Variants in UACA observed in about 807,000 individuals in gnomAD.
UACA encodes the protein uveal autoantigen with coiled-coil domains and ankyrin repeats, also known as nuclear membrane binding protein.
Under a neutral mutation model 160.5 loss-of-function variants are expected in UACA, and 112 were observed. That is an observed-to-expected ratio of 0.70 (90% confidence interval 0.60 to 0.82). The LOEUF (loss-of-function observed/expected upper bound fraction) is 0.82, where lower values mean the gene tolerates loss of function less well. Among genes scored for constraint, UACA ranks in the 40% least tolerant of loss-of-function variants. The pLI is 0.00. For missense variants in UACA, 1,574 were observed against 1,614.6 expected, an observed-to-expected ratio of 0.97 and a Z score of 0.43; for synonymous variants, 557 against 568.4, an observed-to-expected ratio of 0.98 and a Z score of 0.29.
chr15:70,751,313 G>C (rs1445956189), intron 1 of UACA, among the ~76,000 whole-genome samples: 2 of 152,218 alleles, frequency 1.3e-5, no homozygotes, highest in South Asian at 4.1e-4. Flanking sequence ...ATCTCCCTCA[G>C]GAAAAGGGCT....
At chr15:70,695,241 C>T (rs1898088698) in intron 2 of UACA, 136 bp from the exon 3 acceptor site, 3 of 513,868 alleles carry the variant, frequency 5.8e-6, no homozygotes, top group Non-Finnish European at 1.0e-5. Flanking sequence ...CATTAGAACA[C>T]CTACATATTT....
chr15:70,660,879 G>T (rs1252731794), intron 17 of UACA: 1 of 151,996 alleles, frequency 6.6e-6, no homozygotes, highest in African/African-American at 2.4e-5. Context: ...TTATTATGTT[G>T]TTATTAATCT....
chr15:70,720,168 C>A (rs569832761), intron 1 of UACA, among the ~76,000 whole-genome samples: 2 of 152,290 alleles, frequency 1.3e-5, no homozygotes, highest in African/African-American at 4.8e-5. Context: ...GCTTCCCCTT[C>A]ACCTTCTGCC....
In UACA at chr15:70,682,814, G is replaced by A. The variant is rs749555356; in HGVS notation, c.785-19C>T. 7.7e-6 allele frequency: 12 copies of A among 1,551,414 alleles called. No individual in the cohort carries two copies. Among genetic ancestry groups the A allele is most frequent in the Non-Finnish European group, 1.0e-5 (12 of 1,151,146 alleles). Reference sequence around the variant, plus strand: ...TCTCTCCCTAAGATTTAGAGAAAAAGAGAAACAACAAAATGGCAGGTTAAC... The same window carrying A: ...TCTCTCCCTAAGATTTAGAGAAAAAAAGAAACAACAAAATGGCAGGTTAAC... On this transcript the variant is annotated intron_variant, in intron 8 of 18. Transcript: ENST00000322954.
rs1413585528 is a variant in UACA, at chr15:70,667,014, C to T, written c.3670G>A (p.Val1224Ile). 5 of 1,613,372 alleles carry T rather than the reference C, an allele frequency of 3.1e-6. No homozygotes were observed. Among genetic ancestry groups the T allele is most frequent in the South Asian group, 2.2e-5 (2 of 90,964 alleles). Residue 1224 changes from valine (V) to isoleucine (I), a missense_variant, in exon 16 of 19, where the codon GTT (valine) becomes ATT (isoleucine). Val to Ile is a conservative substitution (Grantham distance 29). Coordinates refer to ENST00000322954, the MANE Select transcript of UACA (RefSeq NM_018003.4). ...GTTGCTTTATATTTAGACAAGTCAA[C>T]TACCTCTCTAGTCTCTAATTTTTTT... ...ALKKLETREV[V>I]DLSKYKATKS...
intron 1 of UACA, 120 bp downstream of exon 1, chr15:70,763,210 G>A (rs1235679264): frequency 1.9e-5 from 21 of 1,128,408 alleles, no homozygotes; most frequent in Non-Finnish European, 2.3e-5. Flanking sequence ...AGTCGCCAGG[G>A]CCGCCGAAGC....
At chr15:70,758,264 A>G (rs1404942756) in intron 1 of UACA, 1 of 152,352 alleles carries the variant, frequency 6.6e-6, no homozygotes, top group East Asian at 1.9e-4. Context: ...GTTGAAATCA[A>G]AAACTATAAA....
chr15:70,717,618 A>C (rs567187888), intron 1 of UACA, among the ~76,000 whole-genome samples: 3 of 152,318 alleles, frequency 2.0e-5, no homozygotes, highest in Admixed American at 1.3e-4. Context: ...GGCTCTGATC[A>C]AGCTAATCTG....
chr15:70,656,743 C>T lies in UACA; in HGVS notation c.*313G>A, dbSNP rs1421809840. On this transcript the variant is annotated 3_prime_UTR_variant, in exon 19 of 19. Transcript: ENST00000322954. ...TTAAGCAATTATTTCAGCCTAACCT[C>T]GCTTCATATGGACTCACTCAGATGG... The T allele has an allele frequency of 1.9e-5, 4 of 214,332 alleles. No homozygotes were observed. Among genetic ancestry groups the T allele is most frequent in the Admixed American group, 5.3e-5 (1 of 18,904 alleles). The allele number at this position is 214,332 out of a possible 1,614,324, so 13.3% of individuals were successfully genotyped here.
At position 70,667,347 on chromosome 15, in the gene UACA, GA is replaced by G; in HGVS notation, c.3336del (p.Pro1113HisfsTer8). On this transcript the variant is annotated frameshift_variant, in exon 16 of 19. Coordinates refer to ENST00000322954, the MANE Select transcript of UACA (RefSeq NM_018003.4). LOFTEE classifies it high-confidence loss of function. ...AVQNLLQKQHVPLEQVEALKK... is the reference protein window; with the variant it reads ...AVQNLLQKQHXPLEQVEALKK... Reference sequence around the variant, plus strand: ...TTCAGAGCCTCAACCTGTTCCAATGGAACATGTTGTTTTTGCAAAAGATTTT... The same window carrying G: ...TTCAGAGCCTCAACCTGTTCCAATGGACATGTTGTTTTTGCAAAAGATTTT... The G allele has an allele frequency of 3.1e-6, 5 of 1,612,982 alleles. No homozygotes were observed. The highest frequency in any genetic ancestry group is 4.2e-6 in the Non-Finnish European group (5 of 1,179,872).
chr15:70,743,824 C>A (rs1255985196), intron 1 of UACA, among the ~76,000 whole-genome samples: 1 of 152,122 alleles, frequency 6.6e-6, no homozygotes, highest in Non-Finnish European at 1.5e-5. Flanking sequence ...GCAAAAGACT[C>A]TGAACCAGTG....
At chr15:70,702,057 A>T in intron 1 of UACA, 1 of 1,383,414 alleles carries the variant, frequency 7.2e-7, no homozygotes, top group Non-Finnish European at 9.4e-7. Flanking sequence ...CTTAGCTTGG[A>T]TCTCTAACGA....
At chr15:70,752,535 C>T (rs542481774) in intron 1 of UACA, among the ~76,000 whole-genome samples, 2 of 151,930 alleles carry the variant, frequency 1.3e-5, no homozygotes. Context: ...CCCCTCCCCC[C>T]CACCACTTAT....
chr15:70,705,117 CTATTAAGT>C (rs111347680), intron 1 of UACA, among the ~76,000 whole-genome samples: 16 of 152,266 alleles, frequency 1.1e-4, no homozygotes, highest in African/African-American at 3.9e-4. Context: ...TCTTGCCTAT[CTATTAAGT>C]TAGGTTATGG....
intron 9 of UACA, chr15:70,681,440 A>G (rs1482002240): frequency 6.6e-6 from 1 of 152,210 alleles, no homozygotes; most frequent in East Asian, 1.9e-4. Flanking sequence ...AAACACAGTA[A>G]TTAGGAGCAG....
At position 70,667,761 on chromosome 15, in the gene UACA, C is replaced by G; in HGVS notation, c.2923G>C (p.Asp975His). ...AEIKAQKKEL[D>H]TIQECIKVKY... ...ACCTTAATGCATTCTTGTATTGTGT[C>G]GAGCTCCTTCTTCTGGGCTTTAATT... is the stretch of plus-strand genomic sequence containing the variant. The change falls in exon 16 of 19, where the codon GAC (aspartate) becomes CAC (histidine). Residue 975 changes from aspartate to histidine, a missense_variant. Physicochemically the swap from Asp to His is moderately conservative, Grantham distance 81. Transcript: ENST00000322954. The G allele has an allele frequency of 6.2e-7, 1 of 1,613,988 alleles. No individual in the cohort carries two copies. Among genetic ancestry groups the G allele is most frequent in the Non-Finnish European group, 8.5e-7 (1 of 1,179,976 alleles).
intron 1 of UACA, among the ~76,000 whole-genome samples, chr15:70,721,569 G>C (rs1370031482): frequency 2.0e-5 from 3 of 151,768 alleles, no homozygotes; most frequent in East Asian, 3.9e-4. Flanking sequence ...AGAGCTTGCA[G>C]TGAGCCGAGA....
chr15:70,710,902 A>G (rs1438636580), intron 1 of UACA, among the ~76,000 whole-genome samples: 1 of 152,140 alleles, frequency 6.6e-6, no homozygotes, highest in Non-Finnish European at 1.5e-5. Context: ...GACTTTTTAC[A>G]TCACTGGCCA....
At chr15:70,664,637 A>C in intron 17 of UACA, 25 bp downstream of exon 17, 2 of 1,593,980 alleles carry the variant, frequency 1.3e-6, no homozygotes, top group South Asian at 1.1e-5. Flanking sequence ...TATTCCTGCA[A>C]AGCCCCGTGT....
Sources: allele counts gnomAD v4.1 joint callset (sites outside exome capture counted in the v4.1 genomes callset), GRCh38; gene constraint gnomAD v4.1.1; transcripts MANE v1.5; gene names NCBI Gene and HGNC (gene_info 2026-07-23, HGNC 2026-07-21).